NBAS: variants seen among roughly 807,000 people sequenced by gnomAD.
NBAS encodes NAG/BC035112 fusion.
In NBAS, 219 loss-of-function variants were observed where a neutral mutation model predicts 302.5. The ratio of observed to expected loss-of-function variants is 0.72; its 90% CI spans 0.65 to 0.81. The LOEUF (loss-of-function observed/expected upper bound fraction) is 0.81, where lower values mean the gene tolerates loss of function less well. Ranked by LOEUF, NBAS falls within the 30% of genes least tolerant of loss-of-function variation. The pLI, the probability that NBAS is intolerant of heterozygous loss-of-function variation, is 0.00. For synonymous variants in NBAS, 1,118 were observed against 1,021.6 expected, an observed-to-expected ratio of 1.09 and a Z score of -1.80; for missense variants, 2,932 against 2,841.6, an observed-to-expected ratio of 1.03 and a Z score of -0.72.
chr2:14,870,600 T>C, the NBAS span, among the ~76,000 whole-genome samples: 2 of 151,936 alleles, frequency 1.3e-5, no homozygotes, highest in African/African-American at 4.8e-5. Context: ...TCAAGTGAAT[T>C]GAACTACTTC....
the NBAS span, among the ~76,000 whole-genome samples, chr2:14,995,335 T>A: frequency 2.6e-4 from 40 of 152,266 alleles, no homozygotes; most frequent in Middle Eastern, 3.4e-3. Flanking sequence ...CTTGCGATAG[T>A]TTGCCGAAAA....
the NBAS span, among the ~76,000 whole-genome samples, chr2:15,114,784 A>G: frequency 9.9e-5 from 15 of 152,218 alleles, no homozygotes; most frequent in African/African-American, 3.4e-4. Flanking sequence ...CTAGTTCATT[A>G]TGCTGCACAT....
chr2:15,208,218 G>C (rs1382306126), intron 48 of NBAS, among the ~76,000 whole-genome samples: 1 of 152,132 alleles, frequency 6.6e-6, no homozygotes, highest in Non-Finnish European at 1.5e-5. Flanking sequence ...TGTCTTACAT[G>C]GCAGCAGGCA....
intron 25 of NBAS, among the ~76,000 whole-genome samples, chr2:15,412,709 G>A (rs564225442): frequency 6.6e-6 from 1 of 152,246 alleles, no homozygotes; most frequent in African/African-American, 2.4e-5. Flanking sequence ...AATCCAGTGT[G>A]AAATTTTTAA....
At chr2:14,953,042 G>A in the NBAS span, among the ~76,000 whole-genome samples, 1 of 152,244 alleles carries the variant, frequency 6.6e-6, no homozygotes, top group East Asian at 1.9e-4. Flanking sequence ...GGACTGAGCA[G>A]GGAAGGATGT....
chr2:15,148,930 CTG>C, the NBAS span, among the ~76,000 whole-genome samples: 5 of 152,182 alleles, frequency 3.3e-5, no homozygotes, highest in African/African-American at 1.2e-4. Flanking sequence ...TTTAAGAAAA[CTG>C]AGTCCTCTCA....
At chr2:14,812,065 G>T in the NBAS span, among the ~76,000 whole-genome samples, 1 of 152,162 alleles carries the variant, frequency 6.6e-6, no homozygotes, top group Non-Finnish European at 1.5e-5. Context: ...ATTGGCTAGG[G>T]CACTGGGATA....
chr2:15,131,961 G>A, the NBAS span, among the ~76,000 whole-genome samples: 109 of 152,242 alleles, frequency 7.2e-4, no homozygotes, highest in African/African-American at 2.5e-3. Context: ...CACCAACGAG[G>A]GATCCACCCC....
At chr2:15,124,850 G>A in the NBAS span, among the ~76,000 whole-genome samples, 36 of 152,172 alleles carry the variant, frequency 2.4e-4, no homozygotes, top group Non-Finnish European at 4.1e-4. Flanking sequence ...TTCAAAGGAC[G>A]TATCAGAAAG....
chr2:15,411,915 C>G (rs1289459187), intron 25 of NBAS, among the ~76,000 whole-genome samples: 2 of 152,088 alleles, frequency 1.3e-5, no homozygotes, highest in East Asian at 3.9e-4. Flanking sequence ...AAGCTTTTGT[C>G]CCCCAGTTAC....
At chr2:15,530,749 G>A (rs1269093747) in intron 9 of NBAS, among the ~76,000 whole-genome samples, 1 of 151,388 alleles carries the variant, frequency 6.6e-6, no homozygotes, top group African/African-American at 2.4e-5. Flanking sequence ...AAAAAATGAA[G>A]AGGAAATAAT....
the NBAS span, among the ~76,000 whole-genome samples, chr2:14,964,576 G>GA: frequency 6.3e-4 from 96 of 152,082 alleles, 1 homozygote; most frequent in Non-Finnish European, 1.3e-3. Flanking sequence ...AGGACAAATA[G>GA]ACAAACCCAC....
chr2:15,003,491 G>T, the NBAS span, among the ~76,000 whole-genome samples: 1 of 152,258 alleles, frequency 6.6e-6, no homozygotes, highest in South Asian at 2.1e-4. Context: ...AATTCATTCT[G>T]CATCTCCCAG....
the NBAS span, among the ~76,000 whole-genome samples, chr2:15,014,264 C>G: frequency 1.3e-5 from 2 of 152,094 alleles, no homozygotes; most frequent in Non-Finnish European, 2.9e-5. Context: ...AAAGAAACAT[C>G]AAATTTATAC....
intron 48 of NBAS, among the ~76,000 whole-genome samples, chr2:15,203,730 A>G: frequency 6.6e-6 from 1 of 152,214 alleles, no homozygotes; most frequent in Admixed American, 6.5e-5. Context: ...TTCCATGTTA[A>G]TATTTCACAT....
At chr2:15,405,855 C>CA (rs1676382905) in intron 25 of NBAS, among the ~76,000 whole-genome samples, 1 of 151,590 alleles carries the variant, frequency 6.6e-6, no homozygotes, top group Non-Finnish European at 1.5e-5. Context: ...ATAAATTTAA[C>CA]AAAAAATGTG....
the NBAS span, among the ~76,000 whole-genome samples, chr2:14,817,228 T>C: frequency 6.6e-6 from 1 of 152,176 alleles, no homozygotes; most frequent in Admixed American, 6.5e-5. Context: ...CTATGGAGAT[T>C]TTTGCACATC....
intron 30 of NBAS, among the ~76,000 whole-genome samples, chr2:15,375,184 T>C (rs1674676843): frequency 6.6e-6 from 1 of 152,194 alleles, no homozygotes; most frequent in Non-Finnish European, 1.5e-5. Flanking sequence ...CTTAGGGAAA[T>C]GCAGAGAACA....
chr2:14,874,572 G>A, the NBAS span, among the ~76,000 whole-genome samples: 1 of 151,228 alleles, frequency 6.6e-6, no homozygotes, highest in African/African-American at 2.4e-5. Context: ...TCCGGGAGGT[G>A]GAGCTTGCAG....
Sources: allele counts gnomAD v4.1 joint callset (sites outside exome capture counted in the v4.1 genomes callset), GRCh38; gene constraint gnomAD v4.1.1; transcripts MANE v1.5; gene names NCBI Gene and HGNC (gene_info 2026-07-23, HGNC 2026-07-21).